The following HIVEP3 variants were observed in gnomAD, a reference collection of about 807,000 sequenced individuals.
The protein encoded by HIVEP3 is HIVEP zinc finger 3.
In HIVEP3, 49 loss-of-function variants were observed where a neutral mutation model predicts 152.8. The observed-to-expected ratio is 0.32, with a 90% CI of 0.26 to 0.41. The LOEUF (loss-of-function observed/expected upper bound fraction) is 0.41, where lower values mean the gene tolerates loss of function less well. HIVEP3 is among the 10% of genes least tolerant of loss of function. The pLI is 1.00. For synonymous variants in HIVEP3, 1,269 were observed against 1,289.0 expected (o/e 0.98, Z 0.33); for missense variants, 2,790 against 3,103.3 (o/e 0.90, Z 2.40).
chr1:42,023,243 G>A (rs944458779), intron 1 of HIVEP3, among the ~76,000 whole-genome samples: 13 of 152,098 alleles, frequency 8.5e-5, no homozygotes, highest in African/African-American at 2.9e-4. Flanking sequence ...CTGACTTCAA[G>A]TGATCTGCCT....
At chr1:41,688,561 A>G (rs1362825707) in intron 2 of HIVEP3, among the ~76,000 whole-genome samples, 2 of 152,224 alleles carry the variant, frequency 1.3e-5, no homozygotes, top group Non-Finnish European at 2.9e-5. Context: ...TCTTAAAGTC[A>G]CAACTCCCAC....
chr1:41,583,812 G>A lies in HIVEP3; in HGVS notation c.986C>T (p.Ser329Phe). ...GTCTTCGAGTGACTGGGCTGTGCTG[G>A]ACTGGGACAGGGAACAGCGTTCGTG... ...SSHERCSLSQ[S>F]STAQSLEDPP... The change falls in exon 4 of 9, where the codon TCC becomes TTC. Residue 329 changes from serine (S) to phenylalanine (F), a missense_variant. Ser to Phe is a radical substitution (Grantham distance 155). This residue lies in a region of HIVEP3 where 125 missense variants were observed against 130.1 expected (regional missense o/e 0.96). Coordinates refer to ENST00000372583, the MANE Select transcript of HIVEP3 (RefSeq NM_024503.5). The surrounding 1 kb of genome is among the most constrained non-coding windows in gnomAD (Gnocchi z 6.9). 2 of 1,600,604 alleles carry A rather than the reference G, an allele frequency of 1.2e-6. No individual in the cohort carries two copies. Among genetic ancestry groups the A allele is most frequent in the Non-Finnish European group, 1.7e-6 (2 of 1,172,916 alleles).
At chr1:41,837,704 T>C (rs984923615) in intron 1 of HIVEP3, among the ~76,000 whole-genome samples, 2 of 152,106 alleles carry the variant, frequency 1.3e-5, no homozygotes, top group Non-Finnish European at 2.9e-5. Context: ...TTTAATTCTA[T>C]CTCCTATTCT....
Position 41,512,823 on chromosome 1 carries a change from G to A in HIVEP3, c.6398C>T (p.Ser2133Phe). The A allele has an allele frequency of 1.3e-6, 2 of 1,497,674 alleles. No individual in the cohort carries two copies. Among genetic ancestry groups the A allele is most frequent in the African/African-American group, 1.4e-5 (1 of 71,770 alleles). 92.8% of individuals were successfully genotyped at this position (1,497,674 alleles called of 1,614,324 possible). A position where few individuals can be genotyped will look rare whatever the true frequency, so the allele number is the denominator to read the frequency against. The change falls in exon 8 of 9, where the codon TCC (serine) becomes TTC (phenylalanine). Residue 2133 changes from serine to phenylalanine, a missense_variant. By Grantham distance (155) the Ser-to-Phe change is radical. This residue lies in a region of HIVEP3 where 816 missense variants were observed against 806.5 expected (regional missense o/e 1.01). Transcript: ENST00000372583. ...CCAGGGGCAGGAACTCACCCACGGG[G>A]AGGCGCAGGTCTCTGGGCTTCTGCT... ...LLSRSPETCA[S>F]PWQKAESRSP... is the part of the protein sequence containing the mutation.
At chr1:41,860,313 A>G (rs1447256715) in intron 1 of HIVEP3, among the ~76,000 whole-genome samples, 1 of 152,156 alleles carries the variant, frequency 6.6e-6, no homozygotes, top group Non-Finnish European at 1.5e-5. Flanking sequence ...ATCAAATCCT[A>G]CCACAACAAA....
intron 1 of HIVEP3, among the ~76,000 whole-genome samples, chr1:41,871,525 C>G (rs1054319665): frequency 1.3e-5 from 2 of 151,996 alleles, no homozygotes; most frequent in Non-Finnish European, 2.9e-5. Context: ...ATTAATTATA[C>G]ACAATTATCT....
At chr1:41,518,573 G>T (rs767195342) in intron 6 of HIVEP3, 85 bp from the exon 7 acceptor site, 1 of 1,266,982 alleles carries the variant, frequency 7.9e-7, no homozygotes, top group Admixed American at 1.7e-5. Flanking sequence ...GCACCTGGCC[G>T]GCAGGCCATG....
intron 1 of HIVEP3, among the ~76,000 whole-genome samples, chr1:41,834,750 G>T (rs1643072890): frequency 6.6e-6 from 1 of 152,084 alleles, no homozygotes; most frequent in Non-Finnish European, 1.5e-5. Context: ...GACAAACAAA[G>T]ACACAATACA....
chr1:41,919,948 C>T (rs1396525688), upstream of HIVEP3, among the ~76,000 whole-genome samples: 1 of 152,184 alleles, frequency 6.6e-6, no homozygotes, highest in Non-Finnish European at 1.5e-5. Context: ...CTAAGAGCAG[C>T]GGCAGTGGCT....
intron 1 of HIVEP3, among the ~76,000 whole-genome samples, chr1:42,002,101 A>G (rs1482098512): frequency 6.6e-6 from 1 of 152,184 alleles, no homozygotes; most frequent in Non-Finnish European, 1.5e-5. Context: ...TTTTTAAAAA[A>G]TAAAATAATA....
At chr1:41,643,890 CTTTTTT>C (rs58838768) in intron 2 of HIVEP3, among the ~76,000 whole-genome samples, 2 of 71,980 alleles carry the variant, frequency 2.8e-5, no homozygotes, top group Non-Finnish European at 4.8e-5. Context: ...TTCCCATCCT[CTTTTTT>C]TTTTTTTTTT....
At chr1:41,721,457 C>T (rs898209877) in intron 1 of HIVEP3, among the ~76,000 whole-genome samples, 4 of 152,150 alleles carry the variant, frequency 2.6e-5, no homozygotes, top group Admixed American at 6.5e-5. Context: ...CCGCCCACCT[C>T]GGCCTCCCAA....
At chr1:41,536,439 T>A (rs1054196544) in intron 5 of HIVEP3, among the ~76,000 whole-genome samples, 1 of 152,186 alleles carries the variant, frequency 6.6e-6, no homozygotes, top group African/African-American at 2.4e-5. Flanking sequence ...TATATTTAGT[T>A]TAGCATATTT....
intron 5 of HIVEP3, among the ~76,000 whole-genome samples, chr1:41,552,874 G>C (rs1197039398): frequency 4.6e-5 from 7 of 152,132 alleles, no homozygotes; most frequent in Non-Finnish European, 7.4e-5. Context: ...AGTTTGTTGT[G>C]ATTTCTGTTC....
At chr1:41,858,663 T>A (rs1039137206) in intron 1 of HIVEP3, among the ~76,000 whole-genome samples, 1 of 152,146 alleles carries the variant, frequency 6.6e-6, no homozygotes, top group Admixed American at 6.5e-5. Flanking sequence ...ATGTTTTCCA[T>A]AGAGCTTACA....
At chr1:41,935,277 A>G (rs1645014126) in intron 1 of HIVEP3, among the ~76,000 whole-genome samples, 1 of 152,188 alleles carries the variant, frequency 6.6e-6, no homozygotes, top group African/African-American at 2.4e-5. Context: ...CAGAATTAAC[A>G]TATGTTAGAA....
chr1:41,770,847 A>G (rs1224013439), intron 1 of HIVEP3, among the ~76,000 whole-genome samples: 1 of 152,106 alleles, frequency 6.6e-6, no homozygotes, highest in Non-Finnish European at 1.5e-5. Context: ...TGCTAATGTT[A>G]ATTTCTTAGT....
chr1:41,927,168 A>C (rs2124478215), intron 1 of HIVEP3, among the ~76,000 whole-genome samples: 1 of 152,328 alleles, frequency 6.6e-6, no homozygotes, highest in Admixed American at 6.5e-5. Flanking sequence ...GTACAAAAGG[A>C]GTGTGGTGTA....
intron 1 of HIVEP3, among the ~76,000 whole-genome samples, chr1:41,861,228 GC>G (rs1643884308): frequency 2.6e-5 from 4 of 152,220 alleles, no homozygotes; most frequent in Admixed American, 2.6e-4. Context: ...TTTGTAGCTT[GC>G]CCGATAAGTC....
Sources: allele counts gnomAD v4.1 joint callset (sites outside exome capture counted in the v4.1 genomes callset), GRCh38; gene constraint gnomAD v4.1.1; regional missense constraint gnomAD v4.1.1; non-coding constraint Gnocchi (gnomAD v3.1); transcripts MANE v1.5; gene names NCBI Gene and HGNC (gene_info 2026-07-23, HGNC 2026-07-21).